The following JPH3 variants were observed in gnomAD, a reference collection of about 807,000 sequenced individuals.
JPH3 encodes the protein junctophilin-3.
In JPH3, 11 loss-of-function variants were observed where a neutral mutation model predicts 59.6. The ratio of observed to expected loss-of-function variants is 0.18; its 90% CI spans 0.12 to 0.31. The LOEUF (loss-of-function observed/expected upper bound fraction) is 0.31, where lower values mean the gene tolerates loss of function less well. Among genes scored for constraint, JPH3 ranks in the 10% least tolerant of loss-of-function variants. JPH3 has a pLI of 1.00. For missense variants in JPH3, 1,202 were observed against 1,105.7 expected (o/e 1.09, Z -1.24); for synonymous variants, 673 against 483.6 (o/e 1.39, Z -5.14).
At chr16:87,625,877 C>A (rs2031356805) in intron 1 of JPH3, among the ~76,000 whole-genome samples, 1 of 152,146 alleles carries the variant, frequency 6.6e-6, no homozygotes, top group South Asian at 2.1e-4. Flanking sequence ...CCCATACCCT[C>A]CCCTGATGAC....
intron 1 of JPH3, among the ~76,000 whole-genome samples, chr16:87,615,965 G>C (rs1335671033): frequency 3.3e-5 from 5 of 152,192 alleles, no homozygotes; most frequent in Non-Finnish European, 7.3e-5. Flanking sequence ...CGGTGGTGTG[G>C]AGAGAGGGAA....
At chr16:87,628,976 G>A (rs2031473983) in intron 1 of JPH3, among the ~76,000 whole-genome samples, 1 of 152,198 alleles carries the variant, frequency 6.6e-6, no homozygotes, top group South Asian at 2.1e-4. Context: ...GTTACTGGGT[G>A]TGGGGCTTCC....
At chr16:87,682,767 G>A (rs892168426) in intron 2 of JPH3, among the ~76,000 whole-genome samples, 5 of 152,190 alleles carry the variant, frequency 3.3e-5, no homozygotes, top group African/African-American at 9.7e-5. Context: ...GGGATTTGTC[G>A]TGGGGGAATT....
chr16:87,637,097 G>A (rs891689390), intron 1 of JPH3, among the ~76,000 whole-genome samples: 100 of 152,332 alleles, frequency 6.6e-4, no homozygotes, highest in Non-Finnish European at 3.1e-4. Context: ...TTGACCAGCC[G>A]TTCTTTTATC....
intron 1 of JPH3, among the ~76,000 whole-genome samples, chr16:87,629,163 T>G (rs2031481152): frequency 6.6e-6 from 1 of 152,102 alleles, no homozygotes; most frequent in Admixed American, 6.5e-5. Context: ...AGTGACTCCA[T>G]GCCTGCTGCT....
In JPH3 at chr16:87,689,791, G is replaced by A. The variant is rs2033513471; in HGVS notation, c.1431G>A (p.Leu477=). 3.1e-6 allele frequency: 5 copies of A among 1,603,202 alleles called. No homozygotes were observed. In the Admixed American group the frequency reaches 5.1e-5, roughly 16 times the overall value. Residue 477 remains leucine, a synonymous_variant, in exon 4 of 5, where the codon CTG becomes CTA. Transcript: ENST00000284262. ...ACCTGACCCCCGACGACAGCCCCCT[G>A]CAGAGCTTCCCCACCAGCCCCGCGG... The part of the protein sequence containing the change: ...PSDLTPDDSP[L]QSFPTSPAAT...
chr16:87,666,188 A>G (rs2032855424), intron 2 of JPH3, among the ~76,000 whole-genome samples: 1 of 150,468 alleles, frequency 6.6e-6, no homozygotes, highest in African/African-American at 2.5e-5. Flanking sequence ...TCCCTGATTT[A>G]AGCAGTTCTC....
chr16:87,687,715 C>G (rs1042467114), intron 3 of JPH3, among the ~76,000 whole-genome samples: 2 of 152,222 alleles, frequency 1.3e-5, no homozygotes, highest in Admixed American at 1.3e-4. Context: ...GCAGCTCATT[C>G]TAGCTGAGGG....
intron 1 of JPH3, among the ~76,000 whole-genome samples, chr16:87,621,918 C>T (rs757069920): frequency 4.6e-5 from 7 of 152,182 alleles, no homozygotes; most frequent in Non-Finnish European, 7.3e-5. Context: ...GGTCAAGAAG[C>T]AGCCGCCCCT....
At chr16:87,692,418 C>T (rs1352532337) in intron 4 of JPH3, among the ~76,000 whole-genome samples, 1 of 152,230 alleles carries the variant, frequency 6.6e-6, no homozygotes, top group African/African-American at 2.4e-5. Flanking sequence ...GCCTTCAGTG[C>T]CACCCCCTCA....
At chr16:87,692,050 G>C (rs1406719852) in intron 4 of JPH3, among the ~76,000 whole-genome samples, 2 of 152,278 alleles carry the variant, frequency 1.3e-5, no homozygotes, top group Non-Finnish European at 2.9e-5. Context: ...GGTGCTACAT[G>C]CTGCCCTGGT....
chr16:87,643,584 G>A (rs1385239626), intron 1 of JPH3, among the ~76,000 whole-genome samples: 1 of 152,206 alleles, frequency 6.6e-6, no homozygotes, highest in East Asian at 1.9e-4. Flanking sequence ...TGTCCCTGTA[G>A]CTGCCACTCA....
At chr16:87,662,176 G>A (rs572293065) in intron 2 of JPH3, among the ~76,000 whole-genome samples, 56 of 152,284 alleles carry the variant, frequency 3.7e-4, no homozygotes, top group East Asian at 9.7e-4. Context: ...CCGAAGCGCC[G>A]GTCCCAGAGC....
At chr16:87,637,562 G>T (rs1484192042) in intron 1 of JPH3, among the ~76,000 whole-genome samples, 1 of 152,106 alleles carries the variant, frequency 6.6e-6, no homozygotes, top group African/African-American at 2.4e-5. Flanking sequence ...CACGTGCTGC[G>T]CTGACGTGGA....
chr16:87,684,737 G>A (rs2033375899), intron 3 of JPH3, among the ~76,000 whole-genome samples: 1 of 152,258 alleles, frequency 6.6e-6, no homozygotes, highest in African/African-American at 2.4e-5. Flanking sequence ...TGGCTGCTGG[G>A]TTGGACAGCG....
Position 87,695,438 on chromosome 16 carries a change from G to A in JPH3, c.2167-1142G>A, listed in dbSNP as rs544502735. 7.2e-5 allele frequency: 33 copies of A among 456,096 alleles called. 1 individual carries two copies. Among genetic ancestry groups the A allele is most frequent in the South Asian group, 4.8e-4 (31 of 64,556 alleles). The allele number at this position is 456,096 out of a possible 1,614,324, so 28.3% of individuals were successfully genotyped here. Reference sequence around the variant, plus strand: ...TCGCACAGCAGCAGGATGTCTGCGTGGTAGGAAGTGGAGGGCTCCGGGGGC... The same window carrying A: ...TCGCACAGCAGCAGGATGTCTGCGTAGTAGGAAGTGGAGGGCTCCGGGGGC... On this transcript the variant is annotated intron_variant, in intron 4 of 4. Transcript: ENST00000284262.
At chr16:87,625,949 G>A (rs1051379660) in intron 1 of JPH3, among the ~76,000 whole-genome samples, 6 of 152,206 alleles carry the variant, frequency 3.9e-5, no homozygotes, top group Admixed American at 6.5e-5. Flanking sequence ...CACAGCGCAC[G>A]TTCCACGGGA....
intron 1 of JPH3, among the ~76,000 whole-genome samples, chr16:87,621,625 G>A (rs566644838): frequency 6.6e-6 from 1 of 152,238 alleles, no homozygotes; most frequent in Admixed American, 6.5e-5. Flanking sequence ...GTCTCAGACG[G>A]TGGATGCAGG....
chr16:87,684,067 G>T, intron 2 of JPH3, 75 bp from the exon 3 acceptor site: 1 of 1,098,712 alleles, frequency 9.1e-7, no homozygotes, highest in South Asian at 1.3e-5. Context: ...TTGGGGGGTT[G>T]GCAGAGTACC....
Sources: allele counts gnomAD v4.1 joint callset (sites outside exome capture counted in the v4.1 genomes callset), GRCh38; gene constraint gnomAD v4.1.1; transcripts MANE v1.5; gene names NCBI Gene and HGNC (gene_info 2026-07-23, HGNC 2026-07-21).